The following TNNI3K variants were observed in gnomAD, a reference collection of about 807,000 sequenced individuals.
TNNI3K encodes the protein serine/threonine-protein kinase TNNI3K.
TNNI3K carries 140 observed loss-of-function variants against 114.5 expected under a neutral mutation model. The observed-to-expected ratio is 1.22, with a 90% CI of 1.07 to 1.41. The LOEUF (loss-of-function observed/expected upper bound fraction) is 1.41, where lower values mean the gene tolerates loss of function less well. TNNI3K is among the 40% of genes most tolerant of loss of function. The pLI is 0.00. For missense variants in TNNI3K, 1,125 were observed against 1,007.6 expected (o/e 1.12, Z -1.58); for synonymous variants, 347 against 347.5 (o/e 1.00, Z 0.02).
intron 11 of TNNI3K, among the ~76,000 whole-genome samples, chr1:74,365,869 AGAT>A (rs1423875721): frequency 1.3e-5 from 2 of 152,030 alleles, no homozygotes; most frequent in African/African-American, 4.8e-5. Context: ...AGAAAGCTGG[AGAT>A]GATAAGAAAA....
intron 9 of TNNI3K, among the ~76,000 whole-genome samples, chr1:74,349,580 G>A (rs1173108256): frequency 1.3e-5 from 2 of 152,192 alleles, no homozygotes; most frequent in Non-Finnish European, 2.9e-5. Flanking sequence ...GGTAGAATTC[G>A]GCTGTGAATC....
rs199770956 is a variant in TNNI3K, at chr1:74,367,866, A to T, written c.1265-42A>T. 25 of 1,531,518 alleles carry T rather than the reference A, an allele frequency of 1.6e-5. 1 individual carries two copies. The highest frequency in any genetic ancestry group is 2.0e-5 in the Non-Finnish European group (23 of 1,140,882). 94.9% of individuals were successfully genotyped at this position (1,531,518 alleles called of 1,614,324 possible). Reference sequence around the variant, plus strand: ...ATGTTGAACTTTTATGTAGAAAAAAATGATCGCTACTTTCAACTCTATTAT... The same window carrying T: ...ATGTTGAACTTTTATGTAGAAAAAATTGATCGCTACTTTCAACTCTATTAT... On this transcript the variant is annotated intron_variant, in intron 12 of 24. Coordinates refer to ENST00000326637, the MANE Select transcript of TNNI3K (RefSeq NM_015978.3).
intron 23 of TNNI3K, among the ~76,000 whole-genome samples, chr1:74,509,747 CTTTTTTTTTTTTTT>C (rs68193106): frequency 1.0e-4 from 5 of 47,812 alleles, no homozygotes; most frequent in Middle Eastern, 0.024. Context: ...ATCTGAATTT[CTTTTTTTTTTTTTT>C]TTTTTTTTTT....
chr1:74,264,373 CATTAA>C (rs1320116677), intron 4 of TNNI3K, among the ~76,000 whole-genome samples: 1 of 151,918 alleles, frequency 6.6e-6, no homozygotes, highest in Non-Finnish European at 1.5e-5. Flanking sequence ...AGCTCTAGTC[CATTAA>C]ATTTTAATGC....
chr1:74,508,830 A>C (rs1183922502), intron 23 of TNNI3K, among the ~76,000 whole-genome samples: 1 of 152,190 alleles, frequency 6.6e-6, no homozygotes, highest in Non-Finnish European at 1.5e-5. Context: ...TCTGCCTTTA[A>C]GAACAGTGTA....
chr1:74,259,723 A>C (rs1655554806), intron 4 of TNNI3K, among the ~76,000 whole-genome samples: 1 of 152,152 alleles, frequency 6.6e-6, no homozygotes, highest in Admixed American at 6.5e-5. Context: ...CATTGAGCTA[A>C]GATTGTGCCA....
At chr1:74,543,056 CT>C (rs1646744672) in intron 24 of TNNI3K, among the ~76,000 whole-genome samples, 3 of 105,712 alleles carry the variant, frequency 2.8e-5, no homozygotes, top group East Asian at 6.1e-4. Context: ...TTTTCTTTTT[CT>C]TTTTCCCTTT....
chr1:74,250,466 C>T (rs1361950726), intron 3 of TNNI3K, among the ~76,000 whole-genome samples: 2 of 152,170 alleles, frequency 1.3e-5, no homozygotes, highest in Admixed American at 6.5e-5. Context: ...TCAAAATACA[C>T]AGCATTTGAA....
intron 17 of TNNI3K, among the ~76,000 whole-genome samples, chr1:74,412,548 A>G (rs182320145): frequency 4.5e-4 from 68 of 152,316 alleles, no homozygotes; most frequent in African/African-American, 1.6e-3. Context: ...TACCTATTAA[A>G]TATTGTCTCA....
At chr1:74,512,418 T>C (rs918768854) in intron 23 of TNNI3K, 2 of 152,332 alleles carry the variant, frequency 1.3e-5, no homozygotes, top group African/African-American at 4.8e-5. Flanking sequence ...ATCACCCACA[T>C]GATCATCTGT....
chr1:74,541,565 G>C (rs1323803843), intron 24 of TNNI3K: 2 of 152,124 alleles, frequency 1.3e-5, no homozygotes, highest in Non-Finnish European at 2.9e-5. Context: ...AAAACATAGG[G>C]CATCCTTTGA....
At chr1:74,516,823 C>A (rs17095497) in intron 23 of TNNI3K, among the ~76,000 whole-genome samples, 2,070 of 152,252 alleles carry the variant, frequency 0.014, 40 homozygotes, top group African/African-American at 0.045. Flanking sequence ...CAGCTTACTT[C>A]TGGGATTTTT....
chr1:74,533,836 C>A (rs1223589180), intron 23 of TNNI3K, among the ~76,000 whole-genome samples: 1 of 152,166 alleles, frequency 6.6e-6, no homozygotes, highest in African/African-American at 2.4e-5. Context: ...ACCGCATGTT[C>A]TCACTCATAG....
At chr1:74,500,541 T>C (rs1338311854) in intron 23 of TNNI3K, among the ~76,000 whole-genome samples, 2 of 130,312 alleles carry the variant, frequency 1.5e-5, no homozygotes, top group Admixed American at 9.4e-5. Flanking sequence ...GAGGCGGAGC[T>C]TGCAGTGAGC....
intron 20 of TNNI3K, among the ~76,000 whole-genome samples, chr1:74,449,806 G>A (rs1169395153): frequency 6.6e-6 from 1 of 150,744 alleles, no homozygotes; most frequent in Admixed American, 6.6e-5. Context: ...ATTAATAATG[G>A]GAGATTTTAA....
At chr1:74,450,121 A>G (rs1449181667) in intron 20 of TNNI3K, among the ~76,000 whole-genome samples, 1 of 145,068 alleles carries the variant, frequency 6.9e-6, no homozygotes, top group Admixed American at 7.0e-5. Context: ...CCGCTCAACT[A>G]CATGGAAACT....
In TNNI3K at chr1:74,432,696, T is replaced by A. The variant is rs140644356; in HGVS notation, c.1773-3384T>A. Among the ~76,000 whole-genome samples the A allele has an allele frequency of 4.0e-3, 602 of 152,162 alleles. 3 individuals are homozygous for A. Among genetic ancestry groups the A allele is most frequent in the African/African-American group, 0.014 (575 of 41,534 alleles). ...AATTAGCTTATTGATTTCAGTCTCA[T>A]TACCTTACAGTAACATATTGAAAAC... On this transcript the variant is annotated intron_variant, in intron 17 of 24. Transcript: ENST00000326637.
At chr1:74,442,443 T>A (rs1272282108) in intron 20 of TNNI3K, among the ~76,000 whole-genome samples, 1 of 152,082 alleles carries the variant, frequency 6.6e-6, no homozygotes, top group African/African-American at 2.4e-5. Context: ...CATCTAGATT[T>A]TTTTTGCTTT....
chr1:74,489,103 C>G (rs1668908806), intron 21 of TNNI3K, 86 bp from the exon 22 acceptor site: 5 of 1,095,794 alleles, frequency 4.6e-6, no homozygotes, highest in Non-Finnish European at 5.3e-6. Context: ...TCATTCTTTA[C>G]AAATGCTAAT....
Sources: allele counts gnomAD v4.1 joint callset (sites outside exome capture counted in the v4.1 genomes callset), GRCh38; gene constraint gnomAD v4.1.1; transcripts MANE v1.5; gene names NCBI Gene and HGNC (gene_info 2026-07-23, HGNC 2026-07-21).